NFAT5: variants seen among roughly 807,000 people sequenced by gnomAD.
NFAT5 encodes nuclear factor of activated T-cells 5.
In NFAT5, 31 loss-of-function variants were observed where a neutral mutation model predicts 166.5. The observed-to-expected ratio is 0.19, with a 90% CI of 0.14 to 0.25. NFAT5 has a LOEUF of 0.25. Ranked by LOEUF, NFAT5 falls within the 10% of genes least tolerant of loss-of-function variation. The probability of loss-of-function intolerance (pLI) is 1.00; values close to 1 mark genes in which losing one functional copy is unlikely to be tolerated. For missense variants in NFAT5, 1,449 were observed against 1,821.8 expected (o/e 0.80, Z 3.72); for synonymous variants, 612 against 639.7 (o/e 0.96, Z 0.65).
In NFAT5 at chr16:69,697,423, A is replaced by T. The variant is rs1417908426; in HGVS notation, c.*1072A>T. The T allele has an allele frequency of 6.6e-6, 1 of 152,070 alleles. No individual in the cohort carries two copies. The highest frequency in any genetic ancestry group is 1.5e-5 in the Non-Finnish European group (1 of 68,004). 9.4% of individuals were successfully genotyped at this position (152,070 alleles called of 1,614,324 possible). ...AACGGTGCTGTTCTGAAGTCTTCAA[A>T]TTTTTCCCTCTAATAGGAAACAGTA... On this transcript the variant is annotated 3_prime_UTR_variant, in exon 15 of 15. Transcript: ENST00000349945.
intron 9 of NFAT5, among the ~76,000 whole-genome samples, chr16:69,675,421 C>T (rs1217856822): frequency 6.6e-6 from 1 of 152,178 alleles, no homozygotes; most frequent in Non-Finnish European, 1.5e-5. Context: ...ATGAGGTAGA[C>T]AAGATTCAGT....
In NFAT5 at chr16:69,647,177, A is replaced by G; in HGVS notation, c.403A>G (p.Arg135Gly). Residue 135 changes from arginine (R) to glycine (G), a missense_variant, in exon 4 of 15, where the codon AGA (arginine) becomes GGA (glycine). Physicochemically the swap from Arg to Gly is moderately radical, Grantham distance 125. Coordinates refer to ENST00000349945, the MANE Select transcript of NFAT5 (RefSeq NM_138713.4). This position sits in a 1 kb window ranked among gnomAD's most constrained non-coding sequence, Gnocchi z 4.8. ...CTCCTCAGCCGTGGGGGTAAGTAACAGAGGGGTAAGTGAAAAGCAGTTAAC... is the reference window on the plus strand; with the variant it reads ...CTCCTCAGCCGTGGGGGTAAGTAACGGAGGGGTAAGTGAAAAGCAGTTAAC... ...SCSSAVGVSN[R>G]GVSEKQLTSN... 6.2e-7 allele frequency: 1 copy of G among 1,614,106 alleles called. No individual in the cohort carries two copies. Among genetic ancestry groups the G allele is most frequent in the Non-Finnish European group, 8.5e-7 (1 of 1,179,980 alleles).
chr16:69,571,092 G>T (rs1434780708), intron 2 of NFAT5, among the ~76,000 whole-genome samples: 1 of 126,124 alleles, frequency 7.9e-6, no homozygotes, highest in African/African-American at 3.0e-5. Flanking sequence ...AGGAGTTTGA[G>T]ACCAGCCTGG....
chr16:69,569,741 A>T (rs1285104377), intron 2 of NFAT5, among the ~76,000 whole-genome samples: 1 of 152,192 alleles, frequency 6.6e-6, no homozygotes, highest in African/African-American at 2.4e-5. Context: ...TATCAGCTAA[A>T]TTTTTTTAAC....
At chr16:69,653,545 G>T (rs1319854170) in intron 5 of NFAT5, 117 bp downstream of exon 5, 3 of 605,332 alleles carry the variant, frequency 5.0e-6, no homozygotes, top group South Asian at 3.3e-5. Flanking sequence ...TTTGATATTT[G>T]AATTAGATTC....
At chr16:69,585,832 T>A (rs1390170453) in intron 2 of NFAT5, among the ~76,000 whole-genome samples, 1 of 152,112 alleles carries the variant, frequency 6.6e-6, no homozygotes, top group Admixed American at 6.6e-5. Context: ...GAAAGTAGAA[T>A]ATTGGTTACC....
chr16:69,635,072 G>A (rs1407278999), intron 3 of NFAT5, among the ~76,000 whole-genome samples: 1 of 142,222 alleles, frequency 7.0e-6, no homozygotes, highest in Non-Finnish European at 1.5e-5. Flanking sequence ...GTGCAATGGT[G>A]CGATCTCAGC....
At chr16:69,652,913 A>G (rs2035732546) in intron 4 of NFAT5, among the ~76,000 whole-genome samples, 1 of 152,182 alleles carries the variant, frequency 6.6e-6, no homozygotes, top group South Asian at 2.1e-4. Context: ...TTATAGTGAC[A>G]TTAGCTATTC....
At position 69,568,503 on chromosome 16, in the gene NFAT5, A is replaced by T. The variant is rs1381773104; in HGVS notation, c.82A>T (p.Lys28Ter). 3.1e-6 allele frequency: 5 copies of T among 1,612,742 alleles called. No individual in the cohort carries two copies. The highest frequency in any genetic ancestry group is 4.2e-6 in the Non-Finnish European group (5 of 1,179,426). The change falls in exon 2 of 15, where the codon AAG (lysine) becomes TAG (stop). Residue 28 changes from lysine (K) to a stop codon, truncating the protein, a stop_gained. Transcript: ENST00000349945. LOFTEE classifies it high-confidence loss of function. ...CTTTTTGTGTTTTTCAGATTCTCTG[A>T]AGTTACACCCATCACAGAATTTTCA... ...PKSLYSRDSL[K>*]LHPSQNFHRA...
chr16:69,643,048 T>C (rs931099930), intron 3 of NFAT5, among the ~76,000 whole-genome samples: 2 of 151,530 alleles, frequency 1.3e-5, no homozygotes, highest in African/African-American at 4.9e-5. Context: ...TGAAATCCCA[T>C]CTCTACTAAA....
intron 9 of NFAT5, among the ~76,000 whole-genome samples, chr16:69,675,245 A>G (rs1205090448): frequency 6.6e-6 from 1 of 152,248 alleles, no homozygotes; most frequent in East Asian, 1.9e-4. Flanking sequence ...TCCTGTTACT[A>G]ATTGCCAAGA....
chr16:69,673,930 G>T (rs907651615), intron 9 of NFAT5, among the ~76,000 whole-genome samples: 1 of 152,040 alleles, frequency 6.6e-6, no homozygotes, highest in East Asian at 1.9e-4. Flanking sequence ...AATTCATCAG[G>T]TATTACACTT....
intron 2 of NFAT5, among the ~76,000 whole-genome samples, chr16:69,586,591 C>T (rs564224558): frequency 7.9e-5 from 12 of 152,006 alleles, no homozygotes; most frequent in South Asian, 6.2e-4. Flanking sequence ...TTAGTAGAGA[C>T]GAGGTTTTGC....
chr16:69,613,075 G>A (rs1245847024), intron 2 of NFAT5, among the ~76,000 whole-genome samples: 1 of 152,054 alleles, frequency 6.6e-6, no homozygotes, highest in Non-Finnish European at 1.5e-5. Context: ...CACAGGAAAT[G>A]GCACCACTTT....
intron 3 of NFAT5, among the ~76,000 whole-genome samples, chr16:69,632,819 G>A (rs2034778820): frequency 6.6e-6 from 1 of 152,126 alleles, no homozygotes; most frequent in Non-Finnish European, 1.5e-5. Context: ...AATGTTGTGA[G>A]TTGATCTTGG....
Position 69,693,741 on chromosome 16 carries a change from A to C in NFAT5, c.3916A>C (p.Asn1306His), listed in dbSNP as rs1183215626. The C allele has an allele frequency of 6.2e-7, 1 of 1,614,208 alleles. No individual in the cohort carries two copies. Among genetic ancestry groups the C allele is most frequent in the East Asian group, 2.2e-5 (1 of 44,888 alleles). Residue 1306 changes from asparagine to histidine, a missense_variant, in exon 13 of 15, where the codon AAC (asparagine) becomes CAC (histidine). Asn to His is a moderately conservative substitution (Grantham distance 68). Transcript: ENST00000349945. The part of the protein sequence containing the change: ...TMASPKQPPP[N>H]MIFNPNQNPM... ...GGCGTCTCCAAAGCAACCACCACCA[A>C]ACATGATATTCAACCCAAATCAAAA... is the stretch of plus-strand genomic sequence containing the variant.
At chr16:69,669,172 G>A (rs2036525523) in intron 7 of NFAT5, among the ~76,000 whole-genome samples, 1 of 152,176 alleles carries the variant, frequency 6.6e-6, no homozygotes, top group South Asian at 2.1e-4. Flanking sequence ...TGGGATTACA[G>A]GTGTGAACCA....
intron 3 of NFAT5, among the ~76,000 whole-genome samples, chr16:69,643,016 G>A (rs1357709493): frequency 2.0e-5 from 3 of 151,548 alleles, no homozygotes; most frequent in South Asian, 2.1e-4. Flanking sequence ...TCAGGAGTTC[G>A]AGACCACCCT....
intron 3 of NFAT5, among the ~76,000 whole-genome samples, chr16:69,631,968 G>T (rs12931169): frequency 1.3e-5 from 2 of 152,246 alleles, no homozygotes; most frequent in Admixed American, 1.3e-4. Context: ...GATATATAGT[G>T]CTTTGAGTTC....
Sources: allele counts gnomAD v4.1 joint callset (sites outside exome capture counted in the v4.1 genomes callset), GRCh38; gene constraint gnomAD v4.1.1; non-coding constraint Gnocchi (gnomAD v3.1); transcripts MANE v1.5; gene names NCBI Gene and HGNC (gene_info 2026-07-23, HGNC 2026-07-21).